PMPCB: variants seen among roughly 807,000 people sequenced by gnomAD.
PMPCB encodes the protein peptidase, mitochondrial processing subunit beta, also known as mitochondrial-processing peptidase subunit beta.
In PMPCB, 46 loss-of-function variants were observed where a neutral mutation model predicts 61.5. The ratio of observed to expected loss-of-function variants is 0.75; its 90% CI spans 0.59 to 0.96. PMPCB has a LOEUF of 0.96. PMPCB is among the 40% of genes least tolerant of loss of function. The probability of loss-of-function intolerance (pLI) is 0.00; values close to 1 mark genes in which losing one functional copy is unlikely to be tolerated. For missense variants in PMPCB, 590 were observed against 602.4 expected (o/e 0.98, Z 0.22); for synonymous variants, 191 against 201.6 (o/e 0.95, Z 0.44).
intron 7 of PMPCB, among the ~76,000 whole-genome samples, chr7:103,308,705 A>G (rs545106611): frequency 2.6e-5 from 4 of 152,312 alleles, no homozygotes; most frequent in Admixed American, 2.0e-4. Flanking sequence ...CCTTTTGACC[A>G]GGTAAACCAT....
chr7:103,323,814 T>C, intron 12 of PMPCB: 1 of 607,946 alleles, frequency 1.6e-6, no homozygotes, highest in South Asian at 3.3e-5. Context: ...TTAAGGACAT[T>C]GCATTTGGTA....
At chr7:103,340,452 C>T in the PMPCB span, among the ~76,000 whole-genome samples, 1 of 152,202 alleles carries the variant, frequency 6.6e-6, no homozygotes, top group Admixed American at 6.5e-5. Flanking sequence ...GACATAGGAA[C>T]TCTTATTATC....
chr7:103,323,688 G>C, intron 12 of PMPCB: 1 of 1,355,174 alleles, frequency 7.4e-7, no homozygotes, highest in East Asian at 2.6e-5. Flanking sequence ...AATAATACAT[G>C]ATCAAGACAG....
At chr7:103,325,453 A>AG in intron 12 of PMPCB, among the ~76,000 whole-genome samples, 1 of 151,570 alleles carries the variant, frequency 6.6e-6, no homozygotes, top group East Asian at 1.9e-4. Flanking sequence ...AAAAAGGAAA[A>AG]AAAAAAAACC....
rs1817664116 is a variant in PMPCB, at chr7:103,308,987, C to T, written c.885C>T (p.His295=). The T allele has an allele frequency of 1.9e-6, 3 of 1,600,046 alleles. No homozygotes were observed. Among genetic ancestry groups the T allele is most frequent in the African/African-American group, 2.7e-5 (2 of 74,106 alleles). The change falls in exon 8 of 13, where the codon CAC becomes CAT. Residue 295 remains histidine (H), a synonymous_variant. Coordinates refer to ENST00000249269, the MANE Select transcript of PMPCB (RefSeq NM_004279.3). ...GGGATGACAAGATGCCTTTGGCGCA[C>T]CTTGCAATAGCTGTTGAAGCTGTTG... The part of the protein sequence containing the change: ...RVRDDKMPLA[H]LAIAVEAVGW...
chr7:103,337,874 G>C, the PMPCB span: 1 of 1,197,424 alleles, frequency 8.4e-7, no homozygotes, highest in Non-Finnish European at 1.2e-6. Flanking sequence ...CATCCCTTGT[G>C]TTCTGGTACC....
Position 103,313,680 on chromosome 7 carries a change from A to G in PMPCB, c.*1409A>G. 1.1e-5 allele frequency: 11 copies of G among 985,442 alleles called. No homozygotes were observed. The highest frequency in any genetic ancestry group is 1.3e-5 in the Non-Finnish European group (11 of 829,936). 61.0% of individuals were successfully genotyped at this position (985,442 alleles called of 1,614,324 possible). ...TGTTCTCTTCGTCACATCTGCTAAAATCTTGGGAGCCGATGCTGAACACTT... is the reference window on the plus strand; with the variant it reads ...TGTTCTCTTCGTCACATCTGCTAAAGTCTTGGGAGCCGATGCTGAACACTT... On this transcript the variant is annotated 3_prime_UTR_variant, in exon 13 of 13. Transcript: ENST00000249269.
At chr7:103,320,019 G>A (rs1222215150) in intron 12 of PMPCB, among the ~76,000 whole-genome samples, 1 of 152,180 alleles carries the variant, frequency 6.6e-6, no homozygotes, top group African/African-American at 2.4e-5. Flanking sequence ...GGACAACAGA[G>A]CAAGACTCCA....
At chr7:103,320,778 T>TATATATACACATATATATATATATAC (rs1818354257) in intron 12 of PMPCB, 1 of 173,970 alleles carries the variant, frequency 5.7e-6, no homozygotes, top group South Asian at 1.2e-4. Context: ...TATATATATA[T>TATATATACACATATATATATATATAC]ATATATTCTG....
At chr7:103,333,066 A>G (rs1487228967), downstream of PMPCB, among the ~76,000 whole-genome samples, 1 of 151,092 alleles carries the variant, frequency 6.6e-6, no homozygotes, top group Non-Finnish European at 1.5e-5. Context: ...CTGAAAAGCC[A>G]AAATCCTCCA....
In PMPCB at chr7:103,298,569, C is replaced by A; in HGVS notation, c.101C>A (p.Ser34Ter). The part of the protein sequence containing the change: ...SLLIRGAAGR[S>*]LYFGENRLRS... The stretch of plus-strand genomic sequence containing the variant: ...CTTCCACTTCCTACCCCCAACCAGT[C>A]ATTATATTTTGGAGAGAACAGATTA... Residue 34 changes from serine to a stop codon, truncating the protein, a stop_gained and splice_region_variant, in exon 2 of 13, where the codon TCA becomes TAA. Transcript: ENST00000249269. LOFTEE classifies it high-confidence loss of function. 1 of 1,613,620 alleles carries A rather than the reference C, an allele frequency of 6.2e-7. No homozygotes were observed. The highest frequency in any genetic ancestry group is 1.1e-5 in the South Asian group (1 of 91,000).
At chr7:103,336,727 A>G in the PMPCB span, 1 of 152,256 alleles carries the variant, frequency 6.6e-6, no homozygotes, top group South Asian at 2.1e-4. Context: ...TTATACTGGA[A>G]TAACTATTCA....
At chr7:103,318,197 G>A (rs1011453729), downstream of PMPCB, among the ~76,000 whole-genome samples, 3 of 151,026 alleles carry the variant, frequency 2.0e-5, no homozygotes, top group Admixed American at 6.6e-5. Flanking sequence ...ACAAAGTCTC[G>A]CTCTGTTGCC....
intron 6 of PMPCB, 91 bp from the exon 7 acceptor site, chr7:103,307,505 A>C (rs1324281462): frequency 1.4e-6 from 1 of 718,990 alleles, no homozygotes; most frequent in Non-Finnish European, 2.5e-6. Flanking sequence ...TAGATAGTTC[A>C]TGTGTAATGT....
chr7:103,320,518 T>C (rs1818326849), intron 12 of PMPCB, among the ~76,000 whole-genome samples: 1 of 151,994 alleles, frequency 6.6e-6, no homozygotes, highest in East Asian at 1.9e-4. Context: ...CCCAGCACTT[T>C]GGGAGGCCGA....
downstream of PMPCB, among the ~76,000 whole-genome samples, chr7:103,331,952 G>A (rs1164586051): frequency 1.3e-5 from 2 of 151,612 alleles, no homozygotes; most frequent in African/African-American, 2.4e-5. Context: ...CAGTGGCTAT[G>A]CTAATTTAGA....
At chr7:103,310,548 T>C (rs1345372444) in intron 9 of PMPCB, 73 bp downstream of exon 9, 3 of 1,107,420 alleles carry the variant, frequency 2.7e-6, no homozygotes, top group Non-Finnish European at 2.6e-6. Context: ...ATTTATACTT[T>C]ATGGTGATTT....
downstream of PMPCB, among the ~76,000 whole-genome samples, chr7:103,332,259 C>T (rs746528226): frequency 2.3e-4 from 35 of 152,310 alleles, no homozygotes; most frequent in South Asian, 6.2e-4. Flanking sequence ...CCCGCCTTGG[C>T]CTCCCAAAGT....
intron 1 of PMPCB, among the ~76,000 whole-genome samples, chr7:103,298,126 CTCTT>C (rs1355838933): frequency 1.3e-5 from 2 of 151,650 alleles, no homozygotes; most frequent in Non-Finnish European, 2.9e-5. Context: ...TATCCTCTCT[CTCTT>C]TTTTTTTTTA....
Sources: allele counts gnomAD v4.1 joint callset (sites outside exome capture counted in the v4.1 genomes callset), GRCh38; gene constraint gnomAD v4.1.1; transcripts MANE v1.5; gene names NCBI Gene and HGNC (gene_info 2026-07-23, HGNC 2026-07-21).